GRIN2A: variants seen among roughly 807,000 people sequenced by gnomAD.
The protein encoded by GRIN2A is glutamate receptor ionotropic, NMDA 2A.
In GRIN2A, 22 loss-of-function variants were observed where a neutral mutation model predicts 113.4. The ratio of observed to expected loss-of-function variants is 0.19; its 90% CI spans 0.14 to 0.28. GRIN2A has a LOEUF of 0.28. GRIN2A is among the 10% of genes least tolerant of loss of function. The probability of loss-of-function intolerance (pLI) is 1.00; values close to 1 mark genes in which losing one functional copy is unlikely to be tolerated. For synonymous variants in GRIN2A, 827 were observed against 738.4 expected (o/e 1.12, Z -1.94); for missense variants, 1,502 against 1,887.0 (o/e 0.80, Z 3.78).
At chr16:10,051,382 T>G (rs2047357416) in intron 2 of GRIN2A, among the ~76,000 whole-genome samples, 1 of 152,198 alleles carries the variant, frequency 6.6e-6, no homozygotes, top group African/African-American at 2.4e-5. Context: ...AAGTGAGTAG[T>G]AATAAAACAT....
At chr16:9,924,182 C>T (rs1378065256) in intron 3 of GRIN2A, among the ~76,000 whole-genome samples, 4 of 147,838 alleles carry the variant, frequency 2.7e-5, no homozygotes, top group Admixed American at 1.4e-4. Context: ...TGTTTAATTG[C>T]TTTTCATTCT....
At chr16:9,867,779 A>G (rs1253323634) in intron 4 of GRIN2A, among the ~76,000 whole-genome samples, 1 of 152,050 alleles carries the variant, frequency 6.6e-6, no homozygotes, top group Non-Finnish European at 1.5e-5. Context: ...CTCTGAACAC[A>G]TCTGACTTGT....
At chr16:10,104,763 C>T (rs2048462781) in intron 2 of GRIN2A, among the ~76,000 whole-genome samples, 1 of 152,162 alleles carries the variant, frequency 6.6e-6, no homozygotes, top group African/African-American at 2.4e-5. Context: ...AATCCCTTGG[C>T]TCCCATGAAC....
chr16:9,768,768 C>T (rs1901075648), intron 12 of GRIN2A, 83 bp downstream of exon 12: 3 of 897,282 alleles, frequency 3.3e-6, no homozygotes, highest in African/African-American at 3.3e-5. Context: ...GGAGGAAGTG[C>T]AGACCCCACT....
intron 2 of GRIN2A, among the ~76,000 whole-genome samples, chr16:9,996,250 C>A (rs1161704771): frequency 6.6e-6 from 1 of 152,094 alleles, no homozygotes; most frequent in Non-Finnish European, 1.5e-5. Context: ...CCAACAATTA[C>A]CCCAACCTGC....
chr16:10,061,011 T>A (rs1192364706), intron 2 of GRIN2A, among the ~76,000 whole-genome samples: 1 of 152,218 alleles, frequency 6.6e-6, no homozygotes, highest in African/African-American at 2.4e-5. Context: ...TGTTTCTAGG[T>A]AAAATATTCT....
At chr16:9,942,504 T>G (rs1459424767) in intron 2 of GRIN2A, among the ~76,000 whole-genome samples, 4 of 152,128 alleles carry the variant, frequency 2.6e-5, no homozygotes, top group Admixed American at 6.5e-5. Flanking sequence ...GATGAAAAGG[T>G]AGAAGTGGGA....
chr16:9,832,586 A>T (rs1438070736), intron 8 of GRIN2A, among the ~76,000 whole-genome samples: 2 of 152,230 alleles, frequency 1.3e-5, no homozygotes, highest in Non-Finnish European at 2.9e-5. Flanking sequence ...TATCTCTGGC[A>T]GCAGTATAGT....
chr16:10,173,840 A>T (rs2142366426), intron 2 of GRIN2A, among the ~76,000 whole-genome samples: 1 of 152,394 alleles, frequency 6.6e-6, no homozygotes, highest in South Asian at 2.1e-4. Flanking sequence ...GTTTAAAAAA[A>T]TATATAAAAG....
At chr16:9,918,822 GA>G (rs34996984) in intron 3 of GRIN2A, among the ~76,000 whole-genome samples, 136,769 of 146,638 alleles carry the variant, frequency 0.93, 63,904 homozygotes, top group East Asian at 0.99. Context: ...TGGTTGCAAT[GA>G]AAAAAAAAAA....
At chr16:9,849,435 G>C (rs909831537) in intron 5 of GRIN2A, among the ~76,000 whole-genome samples, 7 of 151,920 alleles carry the variant, frequency 4.6e-5, no homozygotes, top group Admixed American at 6.6e-5. Flanking sequence ...TTGGACCACT[G>C]TTTGAGTCCT....
intron 2 of GRIN2A, among the ~76,000 whole-genome samples, chr16:10,071,292 T>C (rs1336884596): frequency 6.6e-6 from 1 of 152,158 alleles, no homozygotes; most frequent in East Asian, 1.9e-4. Context: ...AGGAAGCTTA[T>C]TGGTTCTAGA....
chr16:10,107,290 G>C (rs2048518467), intron 2 of GRIN2A, among the ~76,000 whole-genome samples: 1 of 152,198 alleles, frequency 6.6e-6, no homozygotes, highest in Admixed American at 6.5e-5. Flanking sequence ...TAGGAAGATG[G>C]ATGAGGAAAG....
intron 2 of GRIN2A, among the ~76,000 whole-genome samples, chr16:10,083,856 C>T (rs988961297): frequency 6.6e-6 from 1 of 152,186 alleles, no homozygotes; most frequent in Non-Finnish European, 1.5e-5. Context: ...AGTCCCAGAA[C>T]TTTGGGAGGC....
At chr16:10,019,055 A>C (rs1300456496) in intron 2 of GRIN2A, among the ~76,000 whole-genome samples, 1 of 146,222 alleles carries the variant, frequency 6.8e-6, no homozygotes, top group Non-Finnish European at 1.5e-5. Flanking sequence ...GGAAGTGTTG[A>C]TCTCCAAAAA....
chr16:10,079,779 C>T (rs2047943749), intron 2 of GRIN2A, among the ~76,000 whole-genome samples: 1 of 152,192 alleles, frequency 6.6e-6, no homozygotes, highest in Non-Finnish European at 1.5e-5. Context: ...TTTGCTATAG[C>T]AGCCCAAACA....
intron 3 of GRIN2A, among the ~76,000 whole-genome samples, chr16:9,934,130 C>A (rs998410050): frequency 6.6e-6 from 1 of 152,102 alleles, no homozygotes; most frequent in Admixed American, 6.5e-5. Context: ...AAACATTAAC[C>A]TTTGGCAGGT....
At chr16:9,953,512 G>A (rs986330914) in intron 2 of GRIN2A, among the ~76,000 whole-genome samples, 4 of 152,142 alleles carry the variant, frequency 2.6e-5, no homozygotes, top group Non-Finnish European at 5.9e-5. Context: ...AGTCCACCAA[G>A]AAGGTGGATA....
chr16:9,947,419 G>T (rs572734683), intron 2 of GRIN2A, among the ~76,000 whole-genome samples: 1 of 152,168 alleles, frequency 6.6e-6, no homozygotes, highest in African/African-American at 2.4e-5. Flanking sequence ...TTAAGTTTTC[G>T]TCTCCGGCTA....
Sources: gnomAD v4.1 joint callset for allele counts (sites outside exome capture counted in the v4.1 genomes callset) on GRCh38, gnomAD v4.1.1 for gene constraint, MANE v1.5 for transcripts, NCBI Gene and HGNC (gene_info 2026-07-23, HGNC 2026-07-21) for gene names.